PRKN: variants seen among roughly 807,000 people sequenced by gnomAD.
The protein encoded by PRKN is parkin RBR E3 ubiquitin protein ligase, also known as E3 ubiquitin-protein ligase parkin.
A neutral mutation model predicts 59.5 loss-of-function variants in PRKN; 56 were observed. The observed-to-expected ratio is 0.94, with a 90% confidence interval of 0.76 to 1.18. The LOEUF is 1.18. PRKN is among the 50% of genes most tolerant of loss of function. The pLI, the probability that PRKN is intolerant of heterozygous loss-of-function variation, is 0.00. For synonymous variants in PRKN, 250 were observed against 222.1 expected, an observed-to-expected ratio of 1.13 and a Z score of -1.12; for missense variants, 657 against 596.4, an observed-to-expected ratio of 1.10 and a Z score of -1.06.
chr6:161,521,791 C>T (rs779281402), intron 9 of PRKN, among the ~76,000 whole-genome samples: 23 of 152,138 alleles, frequency 1.5e-4, no homozygotes, highest in Non-Finnish European at 2.9e-4. Context: ...ACAGCTTTCC[C>T]GTGAGAGCTG....
intron 4 of PRKN, among the ~76,000 whole-genome samples, chr6:162,088,270 G>A (rs994608296): frequency 1.3e-5 from 2 of 152,088 alleles, no homozygotes; most frequent in African/African-American, 4.8e-5. Context: ...TGACCAAAGG[G>A]GTGAGAGCTA....
intron 5 of PRKN, among the ~76,000 whole-genome samples, chr6:162,025,437 G>A (rs553444359): frequency 1.3e-4 from 20 of 151,914 alleles, no homozygotes; most frequent in South Asian, 8.3e-4. Context: ...TTTCTAATCC[G>A]TGTCATGTCT....
intron 1 of PRKN, among the ~76,000 whole-genome samples, chr6:162,484,901 C>T (rs1008617761): frequency 6.6e-6 from 1 of 152,132 alleles, no homozygotes; most frequent in African/African-American, 2.4e-5. Flanking sequence ...TTTACTTTTA[C>T]ATTGTTTATA....
chr6:161,426,323 A>C (rs974768082), intron 9 of PRKN, among the ~76,000 whole-genome samples: 2 of 152,096 alleles, frequency 1.3e-5, no homozygotes, highest in Non-Finnish European at 1.5e-5. Context: ...TATGTCTGTG[A>C]GGGTGTTGTC....
intron 9 of PRKN, among the ~76,000 whole-genome samples, chr6:161,421,025 G>A (rs1788079842): frequency 6.6e-6 from 1 of 152,152 alleles, no homozygotes; most frequent in Non-Finnish European, 1.5e-5. Flanking sequence ...GAGACAGGGA[G>A]CACAAAAGGA....
intron 6 of PRKN, among the ~76,000 whole-genome samples, chr6:161,815,433 T>C (rs1316336933): frequency 2.0e-5 from 3 of 152,236 alleles, no homozygotes; most frequent in African/African-American, 7.2e-5. Context: ...GACTTTTTGT[T>C]CCTGGTGGTT....
chr6:162,484,961 T>C (rs1465039162), intron 1 of PRKN, among the ~76,000 whole-genome samples: 1 of 152,216 alleles, frequency 6.6e-6, no homozygotes, highest in Middle Eastern at 3.2e-3. Flanking sequence ...TATTTACTAG[T>C]TTTTCTATGG....
At chr6:161,872,344 T>C (rs1794374465) in intron 6 of PRKN, among the ~76,000 whole-genome samples, 1 of 152,100 alleles carries the variant, frequency 6.6e-6, no homozygotes, top group Non-Finnish European at 1.5e-5. Context: ...GAGAATGCAT[T>C]TATATATTTA....
chr6:162,421,809 T>C (rs1417427357), intron 2 of PRKN, among the ~76,000 whole-genome samples: 1 of 152,142 alleles, frequency 6.6e-6, no homozygotes, highest in Non-Finnish European at 1.5e-5. Flanking sequence ...ATTAATATAA[T>C]GCAATATAAA....
chr6:161,509,264 A>G (rs995589797), intron 9 of PRKN, among the ~76,000 whole-genome samples: 2 of 151,828 alleles, frequency 1.3e-5, no homozygotes, highest in Non-Finnish European at 2.9e-5. Context: ...CTTGGGCAAC[A>G]CTACCTTCCA....
intron 1 of PRKN, chr6:162,624,360 ATATT>A (rs1468769167): frequency 6.6e-6 from 1 of 152,202 alleles, no homozygotes; most frequent in Non-Finnish European, 1.5e-5. Context: ...TTTTTCATGA[ATATT>A]TATTAAAAAC....
At chr6:162,663,994 G>A (rs1778999169) in intron 1 of PRKN, among the ~76,000 whole-genome samples, 1 of 151,570 alleles carries the variant, frequency 6.6e-6, no homozygotes, top group South Asian at 2.1e-4. Flanking sequence ...AGGTATATGT[G>A]TGCCATGGTG....
Position 161,834,351 on chromosome 6 carries a change from G to A in PRKN, c.735-48443C>T, listed in dbSNP as rs557276774. 5.3e-5 allele frequency among the ~76,000 whole-genome samples: 8 copies of A among 152,108 alleles called. No individual in the cohort carries two copies. In the South Asian group the frequency reaches 1.7e-3, roughly 32 times the overall value. On this transcript the variant is annotated intron_variant, in intron 6 of 11. Coordinates refer to ENST00000366898, the MANE Select transcript of PRKN (RefSeq NM_004562.3). ...CCTCACACATTCTCACTCTTAAACG[G>A]GTCAGGCTTCTAAGGCTTCCCATGG...
chr6:161,703,730 T>C (rs772092616), intron 7 of PRKN, among the ~76,000 whole-genome samples: 12 of 151,828 alleles, frequency 7.9e-5, no homozygotes, highest in South Asian at 2.1e-4. Flanking sequence ...TCTACAACCT[T>C]AGCATATGAA....
chr6:162,441,388 T>G (rs1234457300), intron 2 of PRKN, among the ~76,000 whole-genome samples: 2 of 152,186 alleles, frequency 1.3e-5, no homozygotes, highest in Middle Eastern at 3.2e-3. Flanking sequence ...GCAAGCATTC[T>G]CTATGCTCAT....
intron 3 of PRKN, among the ~76,000 whole-genome samples, chr6:162,258,836 G>A (rs1162150544): frequency 2.0e-5 from 3 of 152,150 alleles, no homozygotes; most frequent in African/African-American, 7.2e-5. Context: ...TGACATGCTT[G>A]CGTTCTTAGT....
rs1424580563 is a variant in PRKN, at chr6:161,451,235, G to T, written c.1084-64358C>A. On this transcript the variant is annotated intron_variant, in intron 9 of 11. Coordinates refer to ENST00000366898, the MANE Select transcript of PRKN (RefSeq NM_004562.3). The surrounding 1 kb of genome is among the most constrained non-coding windows in gnomAD (Gnocchi z 5.9). ...AACAAATGAACTATTAAAAACAGGGGTCTCTTTTATCCTACCGTCATCTCA... is the reference window on the plus strand; with the variant it reads ...AACAAATGAACTATTAAAAACAGGGTTCTCTTTTATCCTACCGTCATCTCA... Among the ~76,000 whole-genome samples the T allele has an allele frequency of 6.6e-6, 1 of 152,054 alleles. No individual in the cohort carries two copies. The highest frequency in any genetic ancestry group is 1.5e-5 in the Non-Finnish European group (1 of 68,022).
At chr6:162,249,856 C>A (rs543441095) in intron 3 of PRKN, among the ~76,000 whole-genome samples, 2 of 151,892 alleles carry the variant, frequency 1.3e-5, no homozygotes, top group South Asian at 2.1e-4. Flanking sequence ...CAAAACGAAA[C>A]CTTTGTGGGC....
intron 3 of PRKN, among the ~76,000 whole-genome samples, chr6:162,212,401 A>T (rs1785242568): frequency 6.6e-6 from 1 of 151,502 alleles, no homozygotes; most frequent in South Asian, 2.1e-4. Flanking sequence ...ATGATCAAGT[A>T]ATTAAGAAAT....
Sources: gnomAD v4.1 joint callset for allele counts (sites outside exome capture counted in the v4.1 genomes callset) on GRCh38, gnomAD v4.1.1 for gene constraint, Gnocchi (gnomAD v3.1) non-coding constraint, MANE v1.5 for transcripts, NCBI Gene and HGNC (gene_info 2026-07-23, HGNC 2026-07-21) for gene names.